The following ZZEF1 variants were observed in gnomAD, a reference collection of about 807,000 sequenced individuals.
ZZEF1 encodes zinc finger ZZ-type and EF-hand domain containing 1.
In ZZEF1, 157 loss-of-function variants were observed where a neutral mutation model predicts 342.8. That is an observed-to-expected ratio of 0.46 (90% CI 0.40 to 0.52). The LOEUF is 0.52. Ranked by LOEUF, ZZEF1 falls within the 20% of genes least tolerant of loss-of-function variation. The pLI is 0.00. For missense variants in ZZEF1, 3,480 were observed against 3,725.6 expected (o/e 0.93, Z 1.72); for synonymous variants, 1,505 against 1,429.1 (o/e 1.05, Z -1.20).
At chr17:4,128,932 C>A (rs1473524514) in intron 1 of ZZEF1, among the ~76,000 whole-genome samples, 1 of 151,384 alleles carries the variant, frequency 6.6e-6, no homozygotes, top group Non-Finnish European at 1.5e-5. Flanking sequence ...CCACGCCCAG[C>A]TAATTTTTGC....
intron 17 of ZZEF1, 54 bp from the exon 18 acceptor site, chr17:4,081,544 A>G: frequency 7.0e-7 from 1 of 1,434,308 alleles, no homozygotes; most frequent in South Asian, 1.2e-5. Flanking sequence ...AGATTTTTAT[A>G]CTATTTTAAA....
chr17:4,052,594 T>C (rs2057073076), intron 34 of ZZEF1, among the ~76,000 whole-genome samples: 4 of 152,142 alleles, frequency 2.6e-5, no homozygotes, highest in Non-Finnish European at 4.4e-5. Context: ...GGGCCAGGCG[T>C]TGTGGCTCAT....
chr17:4,074,041 G>T, intron 24 of ZZEF1, 109 bp downstream of exon 24: 1 of 1,200,622 alleles, frequency 8.3e-7, no homozygotes, highest in Non-Finnish European at 1.2e-6. Context: ...CTGAAAAGGC[G>T]TATTATTAAC....
chr17:4,084,214 T>C (rs965565649), intron 16 of ZZEF1, among the ~76,000 whole-genome samples: 1 of 152,210 alleles, frequency 6.6e-6, no homozygotes, highest in Non-Finnish European at 1.5e-5. Context: ...GTTTCTATTT[T>C]GAGTTTGCTA....
At chr17:4,137,065 G>A (rs531178373) in intron 1 of ZZEF1, among the ~76,000 whole-genome samples, 128 of 152,140 alleles carry the variant, frequency 8.4e-4, no homozygotes, top group Non-Finnish European at 2.2e-4. Flanking sequence ...AAGAGCACTG[G>A]GAGACAAGGG....
rs189382702 is a variant in ZZEF1 at position 4,049,504 on chromosome 17, C to G, written c.6015+204G>C. Among the ~76,000 whole-genome samples the G allele has an allele frequency of 2.2e-4, 33 of 152,246 alleles. 1 individual carries two copies. The East Asian group carries it at 4.1e-3, about 19-fold the overall frequency. ...CTCCAGCCTGGGTGACAGCGAGACCCTGTTTCAAAACAAAACAAAAGAAAA... is the reference window on the plus strand; with the variant it reads ...CTCCAGCCTGGGTGACAGCGAGACCGTGTTTCAAAACAAAACAAAAGAAAA... On this transcript the variant is annotated intron_variant, in intron 37 of 54. Coordinates refer to ENST00000381638, the MANE Select transcript of ZZEF1 (RefSeq NM_015113.4).
In ZZEF1 at chr17:4,062,823, G is replaced by C. The variant is rs1319545867; in HGVS notation, c.4813C>G (p.Pro1605Ala). Residue 1605 changes from proline (P) to alanine (A), a missense_variant, in exon 30 of 55, where the codon CCC (proline) becomes GCC (alanine). Physicochemically the swap from Pro to Ala is conservative, Grantham distance 27. Around this residue, in one of 5 missense-constraint regions of ZZEF1, gnomAD observed 1,528 missense variants for 1,624.1 expected, o/e 0.94. Transcript: ENST00000381638. ...TQHCAESLGQ[P>A]HCFHPPFILF... Reference sequence around the variant, plus strand: ...ATGAAAGGTGGATGGAAGCAGTGGGGCTGCCCAAGGGATTCTGCACAGTGC... The same window carrying C: ...ATGAAAGGTGGATGGAAGCAGTGGGCCTGCCCAAGGGATTCTGCACAGTGC... The C allele has an allele frequency of 1.2e-6, 2 of 1,613,504 alleles. No homozygotes were observed. The highest frequency in any genetic ancestry group is 8.5e-7 in the Non-Finnish European group (1 of 1,179,760).
In ZZEF1 at chr17:4,090,880, G is replaced by A. The variant is rs1328739426; in HGVS notation, c.1914-50C>T. ...AACATTTTATTTTGAAACTTCTCAA[G>A]GGTCTAACAAATAAGGTATCATCTA... On this transcript the variant is annotated intron_variant, in intron 11 of 54. Transcript: ENST00000381638. The A allele has an allele frequency of 2.2e-6, 3 of 1,389,256 alleles. No homozygotes were observed. In the Admixed American group the frequency reaches 5.1e-5, roughly 24 times the overall value. 86.1% of individuals were successfully genotyped at this position (1,389,256 alleles called of 1,614,324 possible).
rs912222022 is a variant in ZZEF1, at chr17:4,017,959, A to G, written c.7518T>C (p.Asp2506=). 5.6e-6 allele frequency: 9 copies of G among 1,613,462 alleles called. No individual in the cohort carries two copies. In the Admixed American group the frequency reaches 1.5e-4, roughly 27 times the overall value. The part of the protein sequence containing the change: ...FLEVQKRFDG[D]ELTTDERIRS... ...GTATCCTTTCATCTGTGGTGAGCTC[A>G]TCACCATCAAACCTGCAGAAGGGCA... The change falls in exon 47 of 55, where the codon GAT becomes GAC. Residue 2506 remains aspartate, a synonymous_variant. Coordinates refer to ENST00000381638, the MANE Select transcript of ZZEF1 (RefSeq NM_015113.4). This position sits in a 1 kb window ranked among gnomAD's most constrained non-coding sequence, Gnocchi z 5.1.
At chr17:4,073,584 TGC>T in intron 24 of ZZEF1, among the ~76,000 whole-genome samples, 1 of 152,214 alleles carries the variant, frequency 6.6e-6, no homozygotes, top group South Asian at 2.1e-4. Context: ...AAAAGGCATA[TGC>T]CACCACACCT....
intron 9 of ZZEF1, among the ~76,000 whole-genome samples, chr17:4,097,000 G>A (rs1345181339): frequency 2.0e-5 from 3 of 152,152 alleles, no homozygotes; most frequent in South Asian, 2.1e-4. Flanking sequence ...AGTGGCTCAC[G>A]TCTGTAATCC....
At chr17:4,139,476 C>T (rs1447526878) in intron 1 of ZZEF1, among the ~76,000 whole-genome samples, 1 of 152,212 alleles carries the variant, frequency 6.6e-6, no homozygotes, top group Non-Finnish European at 1.5e-5. Flanking sequence ...TTCACAAGCC[C>T]TTCATCTTGC....
At chr17:4,033,606 C>G in intron 40 of ZZEF1, 1 of 187,484 alleles carries the variant, frequency 5.3e-6, no homozygotes, top group South Asian at 1.0e-4. Context: ...GCCTCAGCCT[C>G]CCAAAGTGCT....
At chr17:4,079,691 T>A (rs1456106674) in intron 18 of ZZEF1, among the ~76,000 whole-genome samples, 1 of 152,156 alleles carries the variant, frequency 6.6e-6, no homozygotes, top group African/African-American at 2.4e-5. Flanking sequence ...AGAGCAACCT[T>A]GGCAAATGAT....
intron 16 of ZZEF1, among the ~76,000 whole-genome samples, chr17:4,084,685 A>C (rs1319607798): frequency 6.6e-6 from 1 of 152,230 alleles, no homozygotes; most frequent in Non-Finnish European, 1.5e-5. Context: ...AAAAACCTGG[A>C]TCTTTGTATA....
intron 6 of ZZEF1, among the ~76,000 whole-genome samples, chr17:4,106,284 T>C (rs2058211789): frequency 1.3e-5 from 2 of 152,022 alleles, no homozygotes; most frequent in South Asian, 2.1e-4. Context: ...CAGTGCTAAG[T>C]AGTTTAATAG....
intron 42 of ZZEF1, among the ~76,000 whole-genome samples, chr17:4,028,364 A>C (rs1367503599): frequency 6.6e-6 from 1 of 152,138 alleles, no homozygotes; most frequent in African/African-American, 2.4e-5. Flanking sequence ...CCTGGCCAAC[A>C]TGACAAAACC....
Position 4,025,137 on chromosome 17 carries a change from C to G in ZZEF1, c.6893-19G>C, listed in dbSNP as rs1567771300. On this transcript the variant is annotated intron_variant, in intron 42 of 54. Transcript: ENST00000381638. ...TCCTTCACTGAAGGGTGACATCAGG[C>G]AGAAAAAGAAAGGCACAAAAGTACA... The G allele has an allele frequency of 6.2e-7, 1 of 1,612,754 alleles. No homozygotes were observed. Among genetic ancestry groups the G allele is most frequent in the Admixed American group, 1.7e-5 (1 of 59,976 alleles).
chr17:4,102,546 G>T, intron 8 of ZZEF1, 131 bp from the exon 9 acceptor site: 1 of 704,066 alleles, frequency 1.4e-6, no homozygotes, highest in Non-Finnish European at 2.4e-6. Context: ...TTTAAAAGCT[G>T]AAATAGAGCA....
Sources: gnomAD v4.1 joint callset for allele counts (sites outside exome capture counted in the v4.1 genomes callset) on GRCh38, gnomAD v4.1.1 for gene constraint, gnomAD v4.1.1 regional missense constraint, Gnocchi (gnomAD v3.1) non-coding constraint, MANE v1.5 for transcripts, NCBI Gene and HGNC (gene_info 2026-07-23, HGNC 2026-07-21) for gene names.